THY1: variants seen among roughly 807,000 people sequenced by gnomAD.
THY1 encodes Thy-1 cell surface antigen.
A neutral mutation model predicts 14.9 loss-of-function variants in THY1; 10 were observed. The observed-to-expected ratio is 0.67, with a 90% confidence interval of 0.41 to 1.14. THY1 has a LOEUF of 1.14. THY1 is among the 50% of genes most tolerant of loss of function. THY1 has a pLI of 0.00. For synonymous variants in THY1, 80 were observed against 90.0 expected (o/e 0.89, Z 0.63); for missense variants, 159 against 202.1 (o/e 0.79, Z 1.29).
upstream of THY1, among the ~76,000 whole-genome samples, chr11:119,424,595 G>T (rs146716914): frequency 5.5e-4 from 83 of 152,244 alleles, no homozygotes; most frequent in African/African-American, 1.8e-3. Flanking sequence ...TAAGTCCAAA[G>T]GAGCTATTCA....
Position 119,417,163 on chromosome 11 carries a change from G to A in THY1, c.*2245C>T, listed in dbSNP as rs920393187. Among the ~76,000 whole-genome samples, 14 of 152,218 alleles carry A rather than the reference G, an allele frequency of 9.2e-5. No individual in the cohort carries two copies. Among genetic ancestry groups the A allele is most frequent in the African/African-American group, 3.4e-4 (14 of 41,458 alleles). On this transcript the variant is annotated 3_prime_UTR_variant, in exon 4 of 4. Transcript: ENST00000284240. ...CCAAGATGCCTTTCCTTGGCACGGC[G>A]CTTGCAGCCCAAGCAGGGCTGAAGG...
chr11:119,423,215 G>C (rs1397769859), upstream of THY1: 3 of 452,858 alleles, frequency 6.6e-6, no homozygotes, highest in Non-Finnish European at 1.3e-5. Flanking sequence ...GGATGGAGGA[G>C]AGGGGGAGCG....
chr11:119,420,421 G>A (rs1861877052), intron 2 of THY1, 35 bp from the exon 3 acceptor site: 2 of 1,560,652 alleles, frequency 1.3e-6, no homozygotes, highest in Non-Finnish European at 8.7e-7. Flanking sequence ...AACTGGAGGG[G>A]CCTGCGGCAC....
upstream of THY1, among the ~76,000 whole-genome samples, chr11:119,424,308 G>A (rs1861976735): frequency 6.6e-6 from 1 of 152,200 alleles, no homozygotes; most frequent in South Asian, 2.1e-4. Context: ...CAGGTGTAGT[G>A]AATTTTTTTG....
In THY1 at chr11:119,418,304, A is replaced by G. The variant is rs1489352316; in HGVS notation, c.*1104T>C. On this transcript the variant is annotated 3_prime_UTR_variant, in exon 4 of 4. Coordinates refer to ENST00000284240, the MANE Select transcript of THY1 (RefSeq NM_006288.5). ...CCGGGTGGGGGCTGGGGGTTGGGAA[A>G]AGCCATTTCCTGAGAAGTGTCCGGC... 2 of 152,542 alleles carry G rather than the reference A, an allele frequency of 1.3e-5. No individual in the cohort carries two copies. The highest frequency in any genetic ancestry group is 2.9e-5 in the Non-Finnish European group (2 of 68,298). The allele number at this position is 152,542 out of a possible 1,614,324, so 9.4% of individuals were successfully genotyped here.
At chr11:119,420,422 C>T in intron 2 of THY1, 36 bp from the exon 3 acceptor site, 1 of 1,561,938 alleles carries the variant, frequency 6.4e-7, no homozygotes, top group Non-Finnish European at 8.6e-7. Context: ...ACTGGAGGGG[C>T]CTGCGGCACA....
In THY1 at chr11:119,419,609, C is replaced by T; in HGVS notation, c.374-89G>A. ...CACAGGCCCAAAGCAAGGGTGTACTCCCTTTGGGAGGTGGGTACTGCAATG... is the reference window on the plus strand; with the variant it reads ...CACAGGCCCAAAGCAAGGGTGTACTTCCTTTGGGAGGTGGGTACTGCAATG... On this transcript the variant is annotated intron_variant, in intron 3 of 3. Coordinates refer to ENST00000284240, the MANE Select transcript of THY1 (RefSeq NM_006288.5). 3 of 1,034,756 alleles carry T rather than the reference C, an allele frequency of 2.9e-6. No homozygotes were observed. The South Asian group carries it at 4.1e-5, about 14-fold the overall frequency. 64.1% of individuals were successfully genotyped at this position (1,034,756 alleles called of 1,614,324 possible). A position where few individuals can be genotyped will look rare whatever the true frequency, so the allele number is the denominator to read the frequency against.
intron 3 of THY1, 139 bp from the exon 4 acceptor site, chr11:119,419,659 C>T (rs1894006): frequency 0.25 from 167,946 of 665,294 alleles, 22,993 homozygotes; most frequent in Admixed American, 0.31. Context: ...AGGAACAGCC[C>T]GGTCTCACAG....
At position 119,423,115 on chromosome 11, in the gene THY1, G is replaced by A. The variant is rs1249826324; in HGVS notation, c.-27C>T. 2 of 456,016 alleles carry A rather than the reference G, an allele frequency of 4.4e-6. No individual in the cohort carries two copies. Among genetic ancestry groups the A allele is most frequent in the Non-Finnish European group, 8.8e-6 (2 of 226,906 alleles). 28.2% of individuals were successfully genotyped at this position (456,016 alleles called of 1,614,324 possible). A position where few individuals can be genotyped will look rare whatever the true frequency, so the allele number is the denominator to read the frequency against. On this transcript the variant is annotated splice_region_variant and 5_prime_UTR_variant, in exon 1 of 4. Coordinates refer to ENST00000284240, the MANE Select transcript of THY1 (RefSeq NM_006288.5). ...GTCCCACCGGCTCCAGTTCCCACCT[G>A]GACTGGGGTCTTCCGCTGCTGCAGC...
rs1378198263 is a variant in THY1 at position 119,416,090 on chromosome 11, C to T, written c.*3318G>A. On this transcript the variant is annotated 3_prime_UTR_variant, in exon 4 of 4. Coordinates refer to ENST00000284240, the MANE Select transcript of THY1 (RefSeq NM_006288.5). The stretch of plus-strand genomic sequence containing the variant: ...ATCTCACGGAGATCCCCATGCCCTT[C>T]CCGAGGAAGCCTCTAGATGTCAGAG... Among the ~76,000 whole-genome samples, 1 of 152,142 alleles carries T rather than the reference C, an allele frequency of 6.6e-6. No individual in the cohort carries two copies. The highest frequency in any genetic ancestry group is 1.5e-5 in the Non-Finnish European group (1 of 68,022).
intron 1 of THY1, 191 bp from the exon 2 acceptor site, chr11:119,421,120 G>C (rs950082644): frequency 1.8e-6 from 1 of 545,448 alleles, no homozygotes; most frequent in African/African-American, 1.9e-5. Flanking sequence ...AAGCAAGGAA[G>C]GAGGGAGAAC....
chr11:119,421,800 T>C (rs1861906091), intron 1 of THY1: 1 of 152,242 alleles, frequency 6.6e-6, no homozygotes, highest in Non-Finnish European at 1.5e-5. Flanking sequence ...ATCGTGTTCC[T>C]GGAGGAGAGA....
intron 2 of THY1, 30 bp downstream of exon 2, chr11:119,420,839 G>T: frequency 6.2e-7 from 1 of 1,613,776 alleles, no homozygotes; most frequent in Non-Finnish European, 8.5e-7. Flanking sequence ...CAGGGCGCCT[G>T]GAGCCCCAGT....
intron 3 of THY1, 110 bp downstream of exon 3, chr11:119,419,941 G>T: frequency 1.7e-6 from 2 of 1,199,070 alleles, no homozygotes; most frequent in South Asian, 1.6e-5. Context: ...TTGGGAGAGG[G>T]TGAGAGCGTT....
rs1861807621 is a variant in THY1, at chr11:119,417,838, G to C, written c.*1570C>G. On this transcript the variant is annotated 3_prime_UTR_variant, in exon 4 of 4. Transcript: ENST00000284240. ...CAGAGCTGAGAAGAAAAAGCAGACT[G>C]CATAGCTTAGCGCAGATTCACGCAA... The C allele has an allele frequency of 6.6e-6, 1 of 152,300 alleles. No homozygotes were observed. The highest frequency in any genetic ancestry group is 6.5e-5 in the Admixed American group (1 of 15,282). The allele number at this position is 152,300 out of a possible 1,614,324, so 9.4% of individuals were successfully genotyped here. A position where few individuals can be genotyped will look rare whatever the true frequency, so the allele number is the denominator to read the frequency against.
chr11:119,419,498 G>A lies in THY1; in HGVS notation c.396C>T (p.Gly132=), dbSNP rs1193786623. The change falls in exon 4 of 4, where the codon GGC becomes GGT. Residue 132 remains glycine (G), a synonymous_variant. Coordinates refer to ENST00000284240, the MANE Select transcript of THY1 (RefSeq NM_006288.5). ...AGGTGTTCTGAGCCAGCAGGCTGAT[G>A]CCCTCACACTTGACCAGTTTGTCTG... The part of the protein sequence containing the change: ...VLRDKLVKCE[G]ISLLAQNTSW... 2 of 1,613,386 alleles carry A rather than the reference G, an allele frequency of 1.2e-6. No homozygotes were observed. Among genetic ancestry groups the A allele is most frequent in the Non-Finnish European group, 8.5e-7 (1 of 1,180,002 alleles).
chr11:119,419,953 TG>T, intron 3 of THY1, 97 bp downstream of exon 3: 2 of 1,285,154 alleles, frequency 1.6e-6, no homozygotes, highest in Non-Finnish European at 1.1e-6. Context: ...GAGAGCGTTA[TG>T]GGGCTATTCT....
At chr11:119,421,448 T>C (rs1044483277) in intron 1 of THY1, among the ~76,000 whole-genome samples, 1 of 152,244 alleles carries the variant, frequency 6.6e-6, no homozygotes, top group Non-Finnish European at 1.5e-5. Context: ...TCTGTATCTG[T>C]TAAACAAAGA....
chr11:119,423,084 C>A (rs954340962), intron 1 of THY1, 29 bp downstream of exon 1: 6 of 455,950 alleles, frequency 1.3e-5, no homozygotes, highest in East Asian at 6.9e-5. Flanking sequence ...GGTCCCCGAG[C>A]CCCAGGTCCC....
Sources: gnomAD v4.1 joint callset for allele counts (sites outside exome capture counted in the v4.1 genomes callset) on GRCh38, gnomAD v4.1.1 for gene constraint, MANE v1.5 for transcripts, NCBI Gene and HGNC (gene_info 2026-07-23, HGNC 2026-07-21) for gene names.